Variants in THSD7B observed in about 807,000 individuals in gnomAD.
THSD7B encodes thrombospondin type 1 domain containing 7B.
THSD7B carries 138 observed loss-of-function variants against 213.6 expected under a neutral mutation model. The observed-to-expected ratio is 0.65, with a 90% confidence interval of 0.56 to 0.74. The LOEUF is 0.74. Ranked by LOEUF, THSD7B falls within the 30% of genes least tolerant of loss-of-function variation. THSD7B has a pLI of 0.00. For synonymous variants in THSD7B, 742 were observed against 687.0 expected (o/e 1.08, Z -1.25); for missense variants, 1,931 against 1,991.5 (o/e 0.97, Z 0.58).
At chr2:137,274,010 C>G (rs1226711003) in intron 11 of THSD7B, among the ~76,000 whole-genome samples, 1 of 152,082 alleles carries the variant, frequency 6.6e-6, no homozygotes, top group Non-Finnish European at 1.5e-5. Flanking sequence ...TCTTTTTACT[C>G]TCCTATTGCA....
At chr2:137,101,542 C>T (rs1040920226) in intron 4 of THSD7B, among the ~76,000 whole-genome samples, 6 of 152,312 alleles carry the variant, frequency 3.9e-5, no homozygotes, top group Middle Eastern at 3.4e-3. Context: ...GAGACAGAAC[C>T]ATTCACTCTC....
chr2:137,373,967 A>G (rs537578446), intron 12 of THSD7B, among the ~76,000 whole-genome samples: 4,522 of 152,220 alleles, frequency 0.03, 232 homozygotes, highest in African/African-American at 0.1. Flanking sequence ...TCCTTTCCCC[A>G]TTGCTTGTTT....
chr2:137,471,485 T>G (rs972761797), intron 15 of THSD7B, among the ~76,000 whole-genome samples: 1 of 151,944 alleles, frequency 6.6e-6, no homozygotes, highest in Non-Finnish European at 1.5e-5. Flanking sequence ...GAGCCCGTCT[T>G]CACACTGTGG....
chr2:137,594,440 A>G (rs758742927), intron 17 of THSD7B, among the ~76,000 whole-genome samples: 6 of 152,050 alleles, frequency 3.9e-5, no homozygotes, highest in Admixed American at 2.6e-4. Context: ...ATGTGGCACC[A>G]ATGTTATCTG....
intron 2 of THSD7B, among the ~76,000 whole-genome samples, chr2:136,920,805 G>A (rs1478606869): frequency 6.6e-6 from 1 of 152,116 alleles, no homozygotes; most frequent in African/African-American, 2.4e-5. Context: ...GTGCTTCTTG[G>A]CACCCAAAGT....
intron 5 of THSD7B, among the ~76,000 whole-genome samples, chr2:137,133,495 A>G (rs1688778483): frequency 1.3e-5 from 2 of 148,674 alleles, no homozygotes; most frequent in African/African-American, 4.9e-5. Flanking sequence ...TTACCCAGGG[A>G]TTTTTTTTTT....
intron 3 of THSD7B, among the ~76,000 whole-genome samples, chr2:137,073,847 G>C (rs1216005253): frequency 2.6e-5 from 4 of 152,202 alleles, no homozygotes; most frequent in Non-Finnish European, 5.9e-5. Flanking sequence ...TATTTACCCA[G>C]TAGTCATTCA....
chr2:137,488,593 A>G (rs1688528429), intron 15 of THSD7B, among the ~76,000 whole-genome samples: 1 of 152,198 alleles, frequency 6.6e-6, no homozygotes, highest in African/African-American at 2.4e-5. Flanking sequence ...TGGTGTTTTC[A>G]CAATTTTCTT....
At position 136,961,223 on chromosome 2, in the gene THSD7B, T is replaced by TA. The variant is rs1280880549; in HGVS notation, c.139+78906_139+78907insA. Among the ~76,000 whole-genome samples, 4 of 101,618 alleles carry TA rather than the reference T, an allele frequency of 3.9e-5. No homozygotes were observed. In the East Asian group the frequency reaches 3.1e-3, roughly 80 times the overall value. The allele number at this position is 101,618 out of a possible 152,430, so 66.7% of individuals were successfully genotyped here. On this transcript the variant is annotated intron_variant, in intron 2 of 27. Coordinates refer to ENST00000409968, the MANE Select transcript of THSD7B (RefSeq NM_001316349.2). ...GTATTATTGACATGTATTTTTCTTTTCTTTTTTTTTTTTTTGAGATGGAGT... is the reference window on the plus strand; with the variant it reads ...GTATTATTGACATGTATTTTTCTTTTACTTTTTTTTTTTTTTGAGATGGAGT...
At chr2:136,873,791 C>A (rs1490154552) in intron 1 of THSD7B, among the ~76,000 whole-genome samples, 1 of 152,122 alleles carries the variant, frequency 6.6e-6, no homozygotes, top group Non-Finnish European at 1.5e-5. Context: ...CTGTAGCATC[C>A]TTCATTCCTA....
intron 17 of THSD7B, among the ~76,000 whole-genome samples, chr2:137,587,524 TC>T (rs2104809440): frequency 6.6e-6 from 1 of 152,332 alleles, no homozygotes; most frequent in East Asian, 1.9e-4. Context: ...GGTGTGGATG[TC>T]CTTTCTGTTT....
At chr2:137,284,282 TTC>T (rs1422425275) in intron 12 of THSD7B, among the ~76,000 whole-genome samples, 4 of 152,138 alleles carry the variant, frequency 2.6e-5, no homozygotes, top group Non-Finnish European at 5.9e-5. Flanking sequence ...TATTTGATTC[TTC>T]TCTCTTTTCT....
rs1315881539 is a variant in THSD7B, at chr2:137,275,950, C to T, written c.2424C>T (p.Cys808=). 2 of 1,612,088 alleles carry T rather than the reference C, an allele frequency of 1.2e-6. No individual in the cohort carries two copies. Among genetic ancestry groups the T allele is most frequent in the South Asian group, 1.1e-5 (1 of 90,962 alleles). The part of the protein sequence containing the change: ...YRWKPQKWSP[C]ILVPESVWQG... ...GGAAGCCACAGAAATGGAGCCCTTG[C>T]ATCTTAGTGCCAGAGTCTGTCTGGC... Residue 808 remains cysteine (C), a synonymous_variant, in exon 12 of 28, where the codon TGC becomes TGT. Coordinates refer to ENST00000409968, the MANE Select transcript of THSD7B (RefSeq NM_001316349.2).
intron 7 of THSD7B, among the ~76,000 whole-genome samples, chr2:137,196,348 C>T (rs1680759644): frequency 6.7e-6 from 1 of 149,476 alleles, no homozygotes; most frequent in Non-Finnish European, 1.5e-5. Context: ...CAAAACACAG[C>T]CTTTTAGCTG....
chr2:137,619,669 G>C (rs1452163061), intron 19 of THSD7B, among the ~76,000 whole-genome samples: 1 of 152,136 alleles, frequency 6.6e-6, no homozygotes, highest in Non-Finnish European at 1.5e-5. Flanking sequence ...GATACAAAAA[G>C]ATATAAACTA....
chr2:137,056,564 G>A lies in THSD7B; in HGVS notation c.284G>A (p.Arg95Gln), dbSNP rs1432797273. Residue 95 changes from arginine to glutamine, a missense_variant, in exon 3 of 28, where the codon CGA becomes CAA. Arg to Gln is a conservative substitution (Grantham distance 43). Transcript: ENST00000409968. ...CCTCCAAAGGAAAGAAGTTGTTTCC[G>A]AGTTTGTGACTGGCACAGTGACCTC... ...NRPPKERSCF[R>Q]VCDWHSDLFQ... The A allele has an allele frequency of 1.9e-6, 3 of 1,613,800 alleles. No homozygotes were observed. The South Asian group carries it at 3.3e-5, about 18-fold the overall frequency.
intron 12 of THSD7B, among the ~76,000 whole-genome samples, chr2:137,400,768 C>T (rs1404343156): frequency 6.6e-6 from 1 of 152,204 alleles, no homozygotes; most frequent in Non-Finnish European, 1.5e-5. Context: ...CCCAACCTCT[C>T]TTTCCTGGGA....
rs572787614 is a variant in THSD7B, at chr2:137,558,448, A to G, written c.3139-4773A>G. On this transcript the variant is annotated intron_variant, in intron 15 of 27. Transcript: ENST00000409968. The stretch of plus-strand genomic sequence containing the variant: ...AAACATAATCCAGCATATAAACAGA[A>G]CCAAAGGCAAAAACCACGTGATTAT... 2.0e-5 allele frequency among the ~76,000 whole-genome samples: 3 copies of G among 152,364 alleles called. No homozygotes were observed. In the East Asian group the frequency reaches 5.8e-4, roughly 29 times the overall value.
intron 2 of THSD7B, among the ~76,000 whole-genome samples, chr2:136,973,511 G>A (rs1379981741): frequency 6.6e-6 from 1 of 152,050 alleles, no homozygotes; most frequent in African/African-American, 2.4e-5. Flanking sequence ...TACAAGAGAA[G>A]CAAAATGGAT....
Sources: allele counts gnomAD v4.1 joint callset (sites outside exome capture counted in the v4.1 genomes callset), GRCh38; gene constraint gnomAD v4.1.1; transcripts MANE v1.5; gene names NCBI Gene and HGNC (gene_info 2026-07-23, HGNC 2026-07-21).